ANOS1: variants seen among roughly 807,000 people sequenced by gnomAD.
The protein encoded by ANOS1 is anosmin 1.
ANOS1 carries 6 observed loss-of-function variants against 59.0 expected under a neutral mutation model. The ratio of observed to expected loss-of-function variants is 0.10; its 90% CI spans 0.06 to 0.20. ANOS1 has a LOEUF of 0.20. Ranked by LOEUF, ANOS1 falls within the 10% of genes least tolerant of loss-of-function variation. The pLI is 1.00. For missense variants in ANOS1, 433 were observed against 542.3 expected (o/e 0.80, Z 2.00); for synonymous variants, 217 against 223.4 (o/e 0.97, Z 0.25).
At chrX:8,608,825 C>T (rs5978919) in intron 3 of ANOS1, among the ~76,000 whole-genome samples, 42,298 of 110,884 alleles carry the variant, frequency 0.38, 5,802 homozygotes, top group South Asian at 0.43. Flanking sequence ...CTAGGCACTT[C>T]TCCTTCCTGC....
At chrX:8,710,957 G>A (rs1336198335) in intron 1 of ANOS1, among the ~76,000 whole-genome samples, 1 of 112,018 alleles carries the variant, frequency 8.9e-6, no homozygotes, top group African/African-American at 3.2e-5. Context: ...AATACTCAAG[G>A]GCAGGACCAA....
At chrX:8,566,150 G>T (rs779550342) in intron 8 of ANOS1, 3 of 754,488 alleles carry the variant, frequency 4.0e-6, no homozygotes, top group Non-Finnish European at 4.7e-6. Context: ...GAGGGATGAT[G>T]TGACTCTCAT....
intron 9 of ANOS1, among the ~76,000 whole-genome samples, chrX:8,553,319 A>G (rs759154773): frequency 1.5e-4 from 16 of 104,220 alleles, no homozygotes; most frequent in Non-Finnish European, 2.8e-4. Context: ...CAGAAATTCT[A>G]AAGAACTGAA....
chrX:8,566,015 C>T (rs1008811056), intron 8 of ANOS1: 36 of 753,213 alleles, frequency 4.8e-5, no homozygotes, highest in Middle Eastern at 1.5e-3. Context: ...TCTTTCCTCA[C>T]GCTGAGTTCT....
At chrX:8,540,042 A>C (rs1929657746) in intron 9 of ANOS1, among the ~76,000 whole-genome samples, 1 of 109,680 alleles carries the variant, frequency 9.1e-6, no homozygotes, top group African/African-American at 3.3e-5. Flanking sequence ...AAAAAAAATT[A>C]GTAAATTCAT....
At position 8,569,487 on chromosome X, in the gene ANOS1, A is replaced by T. The variant is rs757229488; in HGVS notation, c.1062+1012T>A. Among the ~76,000 whole-genome samples, 531 of 111,097 alleles carry T rather than the reference A, an allele frequency of 4.8e-3. 2 individuals carry two copies. The highest frequency in any genetic ancestry group is 0.017 in the African/African-American group (511 of 30,558). ...GAAACCCTGTCTCTACTAAAAATAC[A>T]AAAAATTAGCTGGGTGTGGTGGCGG... On this transcript the variant is annotated intron_variant, in intron 7 of 13. Coordinates refer to ENST00000262648, the MANE Select transcript of ANOS1 (RefSeq NM_000216.4).
intron 3 of ANOS1, among the ~76,000 whole-genome samples, chrX:8,613,232 G>C (rs1279546782): frequency 9.4e-6 from 1 of 106,019 alleles, no homozygotes; most frequent in Non-Finnish European, 1.9e-5. Flanking sequence ...TTTTGAAACA[G>C]GGTCTCATTC....
intron 3 of ANOS1, among the ~76,000 whole-genome samples, chrX:8,620,195 T>C (rs193297832): frequency 1.7e-3 from 195 of 112,579 alleles, no homozygotes; most frequent in African/African-American, 5.9e-3. Context: ...TTACAAGTAC[T>C]CAATTCTGTT....
intron 2 of ANOS1, among the ~76,000 whole-genome samples, chrX:8,646,881 C>T (rs998100499): frequency 1.0e-5 from 1 of 99,868 alleles, no homozygotes. Context: ...TATAGTGAGT[C>T]GACATTGCAC....
At chrX:8,578,208 T>A (rs185320017) in intron 6 of ANOS1, among the ~76,000 whole-genome samples, 1 of 111,058 alleles carries the variant, frequency 9.0e-6, no homozygotes, top group Admixed American at 9.6e-5. Context: ...AAAACAATAA[T>A]ATAACTGTGT....
chrX:8,678,093 G>A (rs1044997656), intron 2 of ANOS1, among the ~76,000 whole-genome samples: 5 of 112,223 alleles, frequency 4.5e-5, no homozygotes, highest in Non-Finnish European at 9.4e-5. Context: ...ACAGACCTGC[G>A]CTGATGGTTT....
intron 4 of ANOS1, among the ~76,000 whole-genome samples, chrX:8,593,711 T>C (rs1930659659): frequency 8.9e-6 from 1 of 111,869 alleles, no homozygotes; most frequent in Non-Finnish European, 1.9e-5. Context: ...TCTCACTCTG[T>C]TGCCCAGACT....
rs1248794089 is a variant in ANOS1, at chrX:8,727,792, C to T, written c.207+4038G>A. ...CTTCCTCCTTCCACCATTCCCGAGT[C>T]TGGCCTGTTGGACCCTCTGGCCATT... On this transcript the variant is annotated intron_variant, in intron 1 of 13. Coordinates refer to ENST00000262648, the MANE Select transcript of ANOS1 (RefSeq NM_000216.4). Among the ~76,000 whole-genome samples, 3 of 112,522 alleles carry T rather than the reference C, an allele frequency of 2.7e-5. No individual in the cohort carries two copies. The East Asian group carries it at 8.4e-4, about 32-fold the overall frequency.
intron 2 of ANOS1, among the ~76,000 whole-genome samples, chrX:8,637,080 G>A (rs1304325310): frequency 8.9e-6 from 1 of 111,976 alleles, no homozygotes; most frequent in Non-Finnish European, 1.9e-5. Flanking sequence ...AGTTCTTGTG[G>A]CCAATGGAAT....
At chrX:8,569,020 A>T (rs994033183) in intron 7 of ANOS1, among the ~76,000 whole-genome samples, 1 of 111,797 alleles carries the variant, frequency 8.9e-6, no homozygotes, top group Non-Finnish European at 1.9e-5. Context: ...GTTGCCACAT[A>T]CATGGAAAAA....
At chrX:8,666,623 A>C (rs185523126) in intron 2 of ANOS1, among the ~76,000 whole-genome samples, 2 of 112,046 alleles carry the variant, frequency 1.8e-5, no homozygotes, top group Non-Finnish European at 3.8e-5. Flanking sequence ...ATATATCCCC[A>C]AAGTCATGAA....
In ANOS1 at chrX:8,721,476, T is replaced by G. The variant is rs994866056; in HGVS notation, c.207+10354A>C. The stretch of plus-strand genomic sequence containing the variant: ...AAATAGATATTTTATGTGAAACAAC[T>G]GTGTCAGCTCCAAAACACTGTAAAA... On this transcript the variant is annotated intron_variant, in intron 1 of 13. Coordinates refer to ENST00000262648, the MANE Select transcript of ANOS1 (RefSeq NM_000216.4). Among the ~76,000 whole-genome samples, 3 of 112,132 alleles carry G rather than the reference T, an allele frequency of 2.7e-5. No individual in the cohort carries two copies. In the Admixed American group the frequency reaches 2.8e-4, roughly 11 times the overall value.
intron 3 of ANOS1, among the ~76,000 whole-genome samples, chrX:8,609,212 T>C (rs748457212): frequency 8.9e-6 from 1 of 111,974 alleles, no homozygotes; most frequent in Non-Finnish European, 1.9e-5. Context: ...GCTAAGGTTC[T>C]TGGTTGGCAT....
At chrX:8,642,121 C>T (rs761308673) in intron 2 of ANOS1, among the ~76,000 whole-genome samples, 20 of 110,622 alleles carry the variant, frequency 1.8e-4, no homozygotes, top group Admixed American at 3.9e-4. Context: ...TAATTACTGA[C>T]GAATGAATGA....
Sources: allele counts gnomAD v4.1 joint callset (sites outside exome capture counted in the v4.1 genomes callset), GRCh38; gene constraint gnomAD v4.1.1; transcripts MANE v1.5; gene names NCBI Gene and HGNC (gene_info 2026-07-23, HGNC 2026-07-21).